Variants in ZNF117 observed in about 807,000 individuals in gnomAD.
The protein encoded by ZNF117 is zinc finger protein 117.
ZNF117 carries 37 observed loss-of-function variants against 41.2 expected under a neutral mutation model. The ratio of observed to expected loss-of-function variants is 0.90; its 90% CI spans 0.69 to 1.18. ZNF117 has a LOEUF of 1.18. Ranked by LOEUF, ZNF117 falls within the 50% of genes most tolerant of loss-of-function variation. The pLI is 0.00. For missense variants in ZNF117, 546 were observed against 557.5 expected (o/e 0.98, Z 0.21); for synonymous variants, 186 against 186.6 (o/e 1.00, Z 0.02).
chr7:64,976,698 C>A, exon 3 of ZNF117: 1 of 295,900 alleles, frequency 3.4e-6, no homozygotes, highest in Non-Finnish European at 6.6e-6. Flanking sequence ...GTGTGACAAC[C>A]ATTTAAAGGC....
At chr7:64,979,101 C>G (rs371560994) in exon 3 of ZNF117, 1 of 1,612,756 alleles carries the variant, frequency 6.2e-7, no homozygotes, top group Non-Finnish European at 8.5e-7. Flanking sequence ...AGTATGAATT[C>G]TCTTATGTTT....
chr7:64,974,978 G>A (rs1785848776), exon 3 of ZNF117: 1 of 149,048 alleles, frequency 6.7e-6, no homozygotes, highest in African/African-American at 2.4e-5. Context: ...ACCCACAAAA[G>A]TTAAGAAAAA....
exon 3 of ZNF117, chr7:64,978,910 A>G: frequency 1.9e-6 from 3 of 1,613,582 alleles, no homozygotes; most frequent in Non-Finnish European, 2.5e-6. Context: ...TCACATTTGT[A>G]GGGAATTTCC....
downstream of ZNF117, chr7:64,971,990 C>A (rs1178937442): frequency 2.0e-5 from 3 of 151,880 alleles, no homozygotes; most frequent in African/African-American, 4.8e-5. Flanking sequence ...AATGACTATA[C>A]AACAGAAGAC....
At chr7:64,982,398 C>T (rs1562986018), upstream of ZNF117, among the ~76,000 whole-genome samples, 1 of 152,184 alleles carries the variant, frequency 6.6e-6, no homozygotes, top group Non-Finnish European at 1.5e-5. Context: ...TAAACGCCAA[C>T]ATGTCTATTT....
Position 64,979,469 on chromosome 7 carries a change from C to A in ZNF117, c.102G>T (p.Val34=). Residue 34 remains valine, a synonymous_variant, in exon 3 of 3, where the codon GTG becomes GTT. Transcript: ENST00000620222. ...CACATTTTCTATATCTTCTTAGGGT[C>A]ACTTTCTGGAAAGAATCTCTTATGT... 1.9e-6 allele frequency: 3 copies of A among 1,594,522 alleles called. No homozygotes were observed. In the South Asian group the frequency reaches 3.5e-5, roughly 18 times the overall value.
In ZNF117 at chr7:64,975,664, G is replaced by T. The variant is rs189131639; in HGVS notation, c.*2455C>A. 2.9e-4 allele frequency: 44 copies of T among 151,970 alleles called. No individual in the cohort carries two copies. The East Asian group carries it at 4.4e-3, about 15-fold the overall frequency. 9.4% of individuals were successfully genotyped at this position (151,970 alleles called of 1,614,324 possible). A position where few individuals can be genotyped will look rare whatever the true frequency, so the allele number is the denominator to read the frequency against. On this transcript the variant is annotated 3_prime_UTR_variant, in exon 3 of 3. Transcript: ENST00000620222. ...TTAAAAATTTTGTAATTTTTTCAAA[G>T]AAAAAAGTATACTTTAAATGTAATT...
intron 1 of ZNF117, among the ~76,000 whole-genome samples, chr7:64,988,529 G>T (rs749597278): frequency 6.6e-6 from 1 of 152,130 alleles, no homozygotes; most frequent in Admixed American, 6.6e-5. Context: ...ATTTCTCCAT[G>T]AAAACTGGCA....
chr7:64,972,919 T>A (rs1393644357), downstream of ZNF117: 1 of 152,022 alleles, frequency 6.6e-6, no homozygotes, highest in East Asian at 1.9e-4. Flanking sequence ...TTATTACAGA[T>A]GGTAATGGCA....
exon 3 of ZNF117, chr7:64,977,022 G>A: frequency 1.9e-6 from 1 of 533,276 alleles, no homozygotes. Context: ...AGTAAGGTTT[G>A]AGGATAAGTT....
upstream of ZNF117, among the ~76,000 whole-genome samples, chr7:64,985,863 G>A (rs954709807): frequency 2.7e-4 from 39 of 143,214 alleles, no homozygotes; most frequent in African/African-American, 1.0e-3. Context: ...GGGAGGCTGA[G>A]TACACTTGAA....
chr7:64,988,975 C>T (rs932135729), intron 1 of ZNF117, among the ~76,000 whole-genome samples: 3 of 152,006 alleles, frequency 2.0e-5, no homozygotes, highest in African/African-American at 4.8e-5. Context: ...TTATTTTATG[C>T]TCATGGATAA....
At chr7:64,975,662 A>G (rs772685601) in exon 3 of ZNF117, 11 of 152,164 alleles carry the variant, frequency 7.2e-5, no homozygotes, top group Non-Finnish European at 1.2e-4. Flanking sequence ...AATTTTTTCA[A>G]AGAAAAAAGT....
At chr7:64,977,771 A>G (rs937910842) in exon 3 of ZNF117, 14 of 916,884 alleles carry the variant, frequency 1.5e-5, no homozygotes, top group Non-Finnish European at 2.4e-5. Context: ...TATGTGTAGT[A>G]AGAGTTGAGA....
At chr7:64,971,788 CT>C (rs1187550205), downstream of ZNF117, 2 of 151,934 alleles carry the variant, frequency 1.3e-5, no homozygotes, top group African/African-American at 2.4e-5. Flanking sequence ...TAGGCTGTGA[CT>C]TTTATTATTT....
At chr7:64,985,783 A>G (rs180944810), upstream of ZNF117, among the ~76,000 whole-genome samples, 2 of 152,168 alleles carry the variant, frequency 1.3e-5, no homozygotes, top group Admixed American at 1.3e-4. Context: ...ACATGGTGAA[A>G]CCTCATCTCT....
chr7:64,981,142 C>T (rs964977965), intron 2 of ZNF117: 4 of 492,362 alleles, frequency 8.1e-6, no homozygotes, highest in African/African-American at 6.1e-5. Context: ...TTTTATATCC[C>T]ATGAAGAGGA....
exon 3 of ZNF117, chr7:64,978,422 A>G (rs747786019): frequency 6.2e-7 from 1 of 1,613,648 alleles, no homozygotes; most frequent in Admixed American, 1.7e-5. Context: ...TCTCTCCAGT[A>G]TGGATTATCT....
chr7:64,972,505 T>G (rs1785799329), downstream of ZNF117: 1 of 152,046 alleles, frequency 6.6e-6, no homozygotes, highest in Non-Finnish European at 1.5e-5. Context: ...TGAATTAACC[T>G]GGAGGACATC....
Sources: allele counts gnomAD v4.1 joint callset (sites outside exome capture counted in the v4.1 genomes callset), GRCh38; gene constraint gnomAD v4.1.1; transcripts MANE v1.5; gene names NCBI Gene and HGNC (gene_info 2026-07-23, HGNC 2026-07-21).